Variants in AMZ2 observed in about 807,000 individuals in gnomAD.
The protein encoded by AMZ2 is archaemetzincin-2.
A neutral mutation model predicts 36.7 loss-of-function variants in AMZ2; 26 were observed. That is an observed-to-expected ratio of 0.71 (90% confidence interval 0.52 to 0.98). The LOEUF (loss-of-function observed/expected upper bound fraction) is 0.98, where lower values mean the gene tolerates loss of function less well. AMZ2 is among the 50% of genes least tolerant of loss of function. The probability of loss-of-function intolerance (pLI) is 0.00; values close to 1 mark genes in which losing one functional copy is unlikely to be tolerated. For missense variants in AMZ2, 394 were observed against 430.5 expected, an observed-to-expected ratio of 0.92 and a Z score of 0.75; for synonymous variants, 144 against 149.1, an observed-to-expected ratio of 0.97 and a Z score of 0.25.
At chr17:68,238,150 G>A (rs2073828696) in intron 1 of AMZ2, among the ~76,000 whole-genome samples, 1 of 152,176 alleles carries the variant, frequency 6.6e-6, no homozygotes, top group South Asian at 2.1e-4. Flanking sequence ...GAGGATCACA[G>A]CATCCTCCAG....
chr17:68,249,028 G>A (rs1164063806), intron 1 of AMZ2: 1 of 1,158,742 alleles, frequency 8.6e-7, no homozygotes, highest in Non-Finnish European at 1.1e-6. Context: ...GTGGAACATC[G>A]GACCCATTCA....
At chr17:68,251,787 T>C (rs2074499628) in intron 4 of AMZ2, among the ~76,000 whole-genome samples, 1 of 152,254 alleles carries the variant, frequency 6.6e-6, no homozygotes, top group South Asian at 2.1e-4. Context: ...TATCAATGGA[T>C]GTGAAAATCT....
chr17:68,218,427 G>A (rs541744147), intron 1 of AMZ2, among the ~76,000 whole-genome samples: 15 of 152,000 alleles, frequency 9.9e-5, no homozygotes, highest in Non-Finnish European at 1.9e-4. Context: ...GGGCTCAAGC[G>A]ATCCTCCAGC....
At chr17:68,252,679 ATTTTTGGCCAGATGGGATTT>A (rs1306759035) in intron 4 of AMZ2, among the ~76,000 whole-genome samples, 4 of 151,304 alleles carry the variant, frequency 2.6e-5, no homozygotes, top group Non-Finnish European at 5.9e-5. Context: ...ATTTTATTTT[ATTTTTGGCCAGATGGGATTT>A]TTTTTGGCCA....
chr17:68,219,434 A>G (rs1445930160), intron 1 of AMZ2, among the ~76,000 whole-genome samples: 3 of 152,212 alleles, frequency 2.0e-5, no homozygotes, highest in South Asian at 4.1e-4. Flanking sequence ...CCCAATTGCT[A>G]TGCATCCTGG....
At chr17:68,248,888 C>G (rs1684596162) in intron 1 of AMZ2, 183 bp downstream of exon 1, 2 of 661,546 alleles carry the variant, frequency 3.0e-6, no homozygotes, top group Non-Finnish European at 3.9e-6. Flanking sequence ...TCAATCAGAA[C>G]AGACATTAGC....
At chr17:68,248,017 T>C (rs1330576704), upstream of AMZ2, 57 of 985,948 alleles carry the variant, frequency 5.8e-5, no homozygotes, top group Non-Finnish European at 6.7e-5. Flanking sequence ...GTAAGGGGCG[T>C]GGCGCCAGTG....
rs782211342 is a variant in AMZ2, at chr17:68,235,042, T to C, written c.-66-13598T>C. ...AAAAAAAAGAAAAAAGATAGGTAGA[T>C]AGATGTATCTGCAAATGATTCCTAG... On this transcript the variant is annotated intron_variant, in intron 1 of 7. Transcript: ENST00000674770. This position sits in a 1 kb window ranked among gnomAD's most constrained non-coding sequence, Gnocchi z 4.2. Among the ~76,000 whole-genome samples, 2 of 152,064 alleles carry C rather than the reference T, an allele frequency of 1.3e-5. No individual in the cohort carries two copies. Among genetic ancestry groups the C allele is most frequent in the Non-Finnish European group, 2.9e-5 (2 of 68,000 alleles).
At chr17:68,227,838 C>A (rs575242657) in intron 1 of AMZ2, among the ~76,000 whole-genome samples, 4 of 152,256 alleles carry the variant, frequency 2.6e-5, no homozygotes, top group African/African-American at 9.6e-5. Flanking sequence ...CCCGTCTCTA[C>A]AAAATAAACA....
intron 5 of AMZ2, among the ~76,000 whole-genome samples, chr17:68,255,156 T>C (rs577370568): frequency 4.6e-5 from 7 of 152,238 alleles, no homozygotes; most frequent in Non-Finnish European, 8.8e-5. Context: ...GTGTGTTTCA[T>C]GGGCCCCCTG....
intron 1 of AMZ2, 94 bp downstream of exon 1, chr17:68,248,799 T>TG (rs2074216530): frequency 2.0e-6 from 2 of 983,228 alleles, no homozygotes; most frequent in Non-Finnish European, 2.4e-6. Context: ...GATGAGCCTA[T>TG]GCTTATATCA....
chr17:68,257,007 T>G lies in AMZ2; in HGVS notation c.*38T>G. On this transcript the variant is annotated 3_prime_UTR_variant, in exon 7 of 7. Transcript: ENST00000359904. ...AGGAGTGATTGAAATAAATAACTAC[T>G]TGCATGTTATGCTTTCATTTGGGTG... 1 of 1,594,466 alleles carries G rather than the reference T, an allele frequency of 6.3e-7. No homozygotes were observed. The highest frequency in any genetic ancestry group is 8.6e-7 in the Non-Finnish European group (1 of 1,168,370).
At chr17:68,222,200 G>T (rs557379670) in intron 1 of AMZ2, among the ~76,000 whole-genome samples, 3 of 152,368 alleles carry the variant, frequency 2.0e-5, no homozygotes, top group African/African-American at 4.8e-5. Context: ...GACGTCTAGG[G>T]GGAGAAACAG....
upstream of AMZ2, chr17:68,247,932 G>C (rs1364513676): frequency 5.1e-6 from 5 of 984,866 alleles, no homozygotes; most frequent in Admixed American, 2.5e-4. Context: ...CGCACGCTCA[G>C]GGGCGTGGCA....
In AMZ2 at chr17:68,218,504, A is replaced by C. The variant is rs76436549; in HGVS notation, c.-67+12266A>C. ...ACCACACGCATTTAAGCAGCATTTA[A>C]AATCAATCTATATTCTTTTCATTTT... On this transcript the variant is annotated intron_variant, in intron 1 of 7. Coordinates refer to the AMZ2 transcript ENST00000674770. Among the ~76,000 whole-genome samples, 165 of 152,308 alleles carry C rather than the reference A, an allele frequency of 1.1e-3. 1 individual carries two copies. The East Asian group carries it at 0.025, about 23-fold the overall frequency.
At chr17:68,234,662 CAG>C (rs1400944812) in intron 1 of AMZ2, among the ~76,000 whole-genome samples, 11 of 151,622 alleles carry the variant, frequency 7.3e-5, no homozygotes, top group African/African-American at 2.7e-4. Flanking sequence ...CTTAGCTACT[CAG>C]AGGGCTGAGG....
intron 1 of AMZ2, among the ~76,000 whole-genome samples, chr17:68,211,798 G>GTATATGTATATATGTATATGTATATA (rs1274662517): frequency 6.4e-5 from 4 of 62,306 alleles, no homozygotes; most frequent in African/African-American, 2.9e-4. Context: ...ATGTATATAT[G>GTATATGTATATATGTATATGTATATA]TGTATATGTA....
intron 1 of AMZ2, among the ~76,000 whole-genome samples, chr17:68,217,862 G>T (rs1224184639): frequency 3.3e-5 from 5 of 149,580 alleles, no homozygotes; most frequent in Admixed American, 1.3e-4. Context: ...GCCCAGGCTG[G>T]AGTACAGTGA....
intron 4 of AMZ2, chr17:68,251,390 A>G (rs1225400935): frequency 4.2e-6 from 2 of 480,832 alleles, no homozygotes; most frequent in African/African-American, 2.0e-5. Flanking sequence ...CCTTAAAGGT[A>G]ACAATACCCA....
Sources: allele counts gnomAD v4.1 joint callset (sites outside exome capture counted in the v4.1 genomes callset), GRCh38; gene constraint gnomAD v4.1.1; non-coding constraint Gnocchi (gnomAD v3.1); transcripts MANE v1.5; gene names NCBI Gene and HGNC (gene_info 2026-07-23, HGNC 2026-07-21).